Variants in GPHN observed in about 807,000 individuals in gnomAD.
GPHN encodes gephyrin.
Under a neutral mutation model 95.5 loss-of-function variants are expected in GPHN, and 17 were observed. That is an observed-to-expected ratio of 0.18 (90% CI 0.12 to 0.27). The LOEUF is 0.27. GPHN is among the 10% of genes least tolerant of loss of function. The probability of loss-of-function intolerance (pLI) is 1.00; values close to 1 mark genes in which losing one functional copy is unlikely to be tolerated. For missense variants in GPHN, 660 were observed against 978.1 expected (o/e 0.67, Z 4.34); for synonymous variants, 320 against 322.5 (o/e 0.99, Z 0.08).
chr14:67,433,741 A>T, the GPHN span, among the ~76,000 whole-genome samples: 25 of 152,214 alleles, frequency 1.6e-4, no homozygotes, highest in Admixed American at 1.6e-3. Context: ...AATAGAAGAG[A>T]CATACTCTAC....
the GPHN span, chr14:67,254,158 C>T: frequency 4.3e-5 from 6 of 138,292 alleles, no homozygotes; most frequent in African/African-American, 1.6e-4. Context: ...TATCTGATAT[C>T]TATACTAGAT....
chr14:66,791,688 A>G (rs921890656), intron 3 of GPHN, among the ~76,000 whole-genome samples: 3 of 152,218 alleles, frequency 2.0e-5, no homozygotes, highest in Non-Finnish European at 4.4e-5. Flanking sequence ...AGTAAAGCCA[A>G]CTAGAGGTCA....
chr14:66,935,505 T>TTATA (rs60032779), intron 8 of GPHN, among the ~76,000 whole-genome samples: 2 of 150,034 alleles, frequency 1.3e-5, no homozygotes, highest in Non-Finnish European at 3.0e-5. Context: ...GTGTGTGTTT[T>TTATA]TATATATATA....
At chr14:67,472,010 C>T in the GPHN span, 1 of 152,312 alleles carries the variant, frequency 6.6e-6, no homozygotes, top group Admixed American at 6.5e-5. Flanking sequence ...TGTCCACTGC[C>T]AGCAATGGAC....
the GPHN span, chr14:67,348,867 C>A: frequency 6.0e-6 from 4 of 671,218 alleles, no homozygotes; most frequent in Non-Finnish European, 5.0e-6. Context: ...GTCAAGTTAT[C>A]CTGAGTAATT....
the GPHN span, among the ~76,000 whole-genome samples, chr14:67,463,048 C>CA: frequency 6.6e-6 from 1 of 152,198 alleles, no homozygotes; most frequent in East Asian, 1.9e-4. Flanking sequence ...CCAAGCAAAC[C>CA]AAGTCAGCTG....
chr14:67,498,553 A>G, the GPHN span, among the ~76,000 whole-genome samples: 1 of 152,242 alleles, frequency 6.6e-6, no homozygotes, highest in Admixed American at 6.5e-5. Context: ...CATTTCAGAT[A>G]ATGTGCCCTA....
chr14:67,646,960 G>A, the GPHN span: 3 of 1,611,968 alleles, frequency 1.9e-6, no homozygotes, highest in South Asian at 1.1e-5. Context: ...ATTTTTCCAT[G>A]AGAGATATTG....
At chr14:67,355,386 G>C in the GPHN span, among the ~76,000 whole-genome samples, 1 of 112,950 alleles carries the variant, frequency 8.9e-6, no homozygotes, top group Non-Finnish European at 1.7e-5. Context: ...CCATATGCCA[G>C]ATACAATTTA....
chr14:67,242,337 C>T, the GPHN span, among the ~76,000 whole-genome samples: 4 of 152,070 alleles, frequency 2.6e-5, no homozygotes, highest in Non-Finnish European at 4.4e-5. Context: ...TGTGTTTTGT[C>T]TCCATACTCG....
intron 1 of GPHN, among the ~76,000 whole-genome samples, chr14:66,531,194 C>A (rs906530736): frequency 1.1e-4 from 17 of 152,234 alleles, no homozygotes; most frequent in African/African-American, 4.1e-4. Context: ...GATCCACCCG[C>A]CTTAGCCCCC....
chr14:67,593,024 T>C, the GPHN span, among the ~76,000 whole-genome samples: 1 of 152,184 alleles, frequency 6.6e-6, no homozygotes, highest in Admixed American at 6.5e-5. Context: ...CGACCTTAGG[T>C]GATCCGCCTG....
chr14:67,502,022 G>A, the GPHN span, among the ~76,000 whole-genome samples: 2 of 152,260 alleles, frequency 1.3e-5, no homozygotes, highest in South Asian at 2.1e-4. Context: ...ATAGCATGAC[G>A]TTAGGTCTCC....
the GPHN span, among the ~76,000 whole-genome samples, chr14:67,674,161 C>T: frequency 6.6e-6 from 1 of 152,208 alleles, no homozygotes; most frequent in Middle Eastern, 3.2e-3. Context: ...ATGTGGAAGG[C>T]CATAGAAGGA....
chr14:67,392,467 G>T, the GPHN span: 1 of 1,474,164 alleles, frequency 6.8e-7, no homozygotes, highest in Non-Finnish European at 9.5e-7. Context: ...CTACAGAAAA[G>T]ACCCAGGCCC....
chr14:67,333,720 T>G, the GPHN span: 1 of 152,594 alleles, frequency 6.6e-6, no homozygotes, highest in Non-Finnish European at 1.5e-5. Flanking sequence ...TCAACTGATT[T>G]ACTCACTTAG....
chr14:66,547,318 G>T (rs1233757042), intron 1 of GPHN, among the ~76,000 whole-genome samples: 1 of 152,088 alleles, frequency 6.6e-6, no homozygotes, highest in Non-Finnish European at 1.5e-5. Context: ...CAAATTTTTG[G>T]ATGATTGTTT....
chr14:67,226,549 C>T, the GPHN span, among the ~76,000 whole-genome samples: 109 of 152,174 alleles, frequency 7.2e-4, no homozygotes, highest in African/African-American at 2.4e-3. Flanking sequence ...TTAGTAGAGA[C>T]GGGGTTTCAC....
chr14:66,884,104 AAG>A (rs2064064214), intron 5 of GPHN, among the ~76,000 whole-genome samples: 1 of 152,090 alleles, frequency 6.6e-6, no homozygotes, highest in Non-Finnish European at 1.5e-5. Flanking sequence ...AAAAGAGAGA[AAG>A]AGATTCCTCT....
Sources: gnomAD v4.1 joint callset for allele counts (sites outside exome capture counted in the v4.1 genomes callset) on GRCh38, gnomAD v4.1.1 for gene constraint, MANE v1.5 for transcripts, NCBI Gene and HGNC (gene_info 2026-07-23, HGNC 2026-07-21) for gene names.